The following CERS3 variants were observed in gnomAD, a reference collection of about 807,000 sequenced individuals.
CERS3 encodes ceramide synthase 3.
CERS3 carries 33 observed loss-of-function variants against 50.3 expected under a neutral mutation model. The observed-to-expected ratio is 0.66, with a 90% confidence interval of 0.50 to 0.88. The LOEUF is 0.88. Ranked by LOEUF, CERS3 falls within the 40% of genes least tolerant of loss-of-function variation. The pLI, the probability that CERS3 is intolerant of heterozygous loss-of-function variation, is 0.00. For missense variants in CERS3, 470 were observed against 460.3 expected, an observed-to-expected ratio of 1.02 and a Z score of -0.19; for synonymous variants, 176 against 155.2, an observed-to-expected ratio of 1.13 and a Z score of -0.99.
chr15:100,454,761 T>C (rs1184021250), intron 11 of CERS3, among the ~76,000 whole-genome samples: 1 of 150,628 alleles, frequency 6.6e-6, no homozygotes, highest in African/African-American at 2.4e-5. Context: ...AAGGAAACAA[T>C]CAACATAGTG....
intron 3 of CERS3, chr15:100,500,205 C>T (rs2035955948): frequency 6.6e-6 from 1 of 152,300 alleles, no homozygotes; most frequent in Non-Finnish European, 1.5e-5. Context: ...AGTGAAGCAA[C>T]ACATAGTTTT....
At chr15:100,453,833 G>A (rs2034262144) in intron 11 of CERS3, among the ~76,000 whole-genome samples, 1 of 152,082 alleles carries the variant, frequency 6.6e-6, no homozygotes, top group Non-Finnish European at 1.5e-5. Flanking sequence ...AAAAAATAGT[G>A]TCTATATATG....
At chr15:100,543,687 G>A (rs889980867) in intron 1 of CERS3, among the ~76,000 whole-genome samples, 1 of 151,996 alleles carries the variant, frequency 6.6e-6, no homozygotes, top group Non-Finnish European at 1.5e-5. Context: ...CCACCACCAC[G>A]CTCGGCTTAT....
chr15:100,524,904 C>T (rs1263286008), intron 1 of CERS3, among the ~76,000 whole-genome samples: 2 of 152,058 alleles, frequency 1.3e-5, no homozygotes, highest in East Asian at 1.9e-4. Flanking sequence ...ACAAATAGAC[C>T]TTATCCCAGC....
At chr15:100,510,913 T>C (rs1243608949) in intron 2 of CERS3, among the ~76,000 whole-genome samples, 1 of 152,120 alleles carries the variant, frequency 6.6e-6, no homozygotes, top group Non-Finnish European at 1.5e-5. Context: ...GAGAAAATAA[T>C]GGAAAAGATA....
At chr15:100,413,596 AAAT>A (rs1271252120) in intron 11 of CERS3, among the ~76,000 whole-genome samples, 1 of 152,072 alleles carries the variant, frequency 6.6e-6, no homozygotes, top group African/African-American at 2.4e-5. Flanking sequence ...ATGCAAATTC[AAAT>A]AATAAGATAA....
At chr15:100,403,335 TC>T (rs1301268481) in intron 11 of CERS3, among the ~76,000 whole-genome samples, 4 of 152,004 alleles carry the variant, frequency 2.6e-5, no homozygotes, top group African/African-American at 9.7e-5. Flanking sequence ...AATTTCAGCT[TC>T]AACTTTAAGA....
chr15:100,461,450 C>G (rs1192030381), intron 10 of CERS3, among the ~76,000 whole-genome samples: 4 of 152,168 alleles, frequency 2.6e-5, no homozygotes, highest in African/African-American at 9.7e-5. Flanking sequence ...CTCCCAGGAT[C>G]TTAGCAAGTT....
chr15:100,471,495 A>G lies in CERS3; in HGVS notation c.738+1429T>C, dbSNP rs556241230. ...AATAACACAATGAGGCTGTTTTTACATTGGACACACACCAAAGGCAATTGA... is the reference window on the plus strand; with the variant it reads ...AATAACACAATGAGGCTGTTTTTACGTTGGACACACACCAAAGGCAATTGA... On this transcript the variant is annotated intron_variant, in intron 9 of 11. Transcript: ENST00000679737. 7.2e-5 allele frequency among the ~76,000 whole-genome samples: 11 copies of G among 152,316 alleles called. No homozygotes were observed. The South Asian group carries it at 2.1e-3, about 29-fold the overall frequency.
At chr15:100,522,619 T>C (rs113024917) in intron 1 of CERS3, among the ~76,000 whole-genome samples, 3,079 of 152,322 alleles carry the variant, frequency 0.02, 111 homozygotes, top group African/African-American at 0.07. Flanking sequence ...TGCATCTATG[T>C]TGTTGCATGT....
At chr15:100,431,306 A>C (rs539890245) in intron 11 of CERS3, among the ~76,000 whole-genome samples, 1 of 152,302 alleles carries the variant, frequency 6.6e-6, no homozygotes, top group African/African-American at 2.4e-5. Context: ...GTCTCACTTT[A>C]TATAATAAAT....
Position 100,447,588 on chromosome 15 carries a change from A to G in CERS3, c.999+8305T>C, listed in dbSNP as rs940029616. Among the ~76,000 whole-genome samples, 4 of 152,192 alleles carry G rather than the reference A, an allele frequency of 2.6e-5. No individual in the cohort carries two copies. In the South Asian group the frequency reaches 6.2e-4, roughly 24 times the overall value. On this transcript the variant is annotated intron_variant, in intron 11 of 11. Transcript: ENST00000679737. ...ACAGAGTTTGACTCTTTTCATCAAC[A>G]CTTAGTGGTAGGTTATGATTTTAAG...
Position 100,445,179 on chromosome 15 carries a change from G to A in CERS3, c.999+10714C>T, listed in dbSNP as rs2033882078. ...CTGTATAGACGCTCCTTTTTATTAG[G>A]CCCCAGTCTCATTCCAGACACCAGA... On this transcript the variant is annotated intron_variant, in intron 11 of 11. Coordinates refer to ENST00000679737, the MANE Select transcript of CERS3 (RefSeq NM_001378789.1). Among the ~76,000 whole-genome samples, 10 of 149,234 alleles carry A rather than the reference G, an allele frequency of 6.7e-5. No homozygotes were observed. In the South Asian group the frequency reaches 2.2e-3, roughly 33 times the overall value.
chr15:100,502,739 T>G (rs2036049909), intron 2 of CERS3, among the ~76,000 whole-genome samples: 1 of 152,204 alleles, frequency 6.6e-6, no homozygotes, highest in East Asian at 1.9e-4. Flanking sequence ...CTTCCTGCCT[T>G]GAGGACATAA....
intron 2 of CERS3, among the ~76,000 whole-genome samples, chr15:100,502,267 A>AAAAAG (rs2036033219): frequency 1.0e-4 from 11 of 109,294 alleles, no homozygotes; most frequent in South Asian, 6.3e-4. Flanking sequence ...AAAAAAAAAA[A>AAAAAG]AAAGAAAGAA....
rs550610428 is a variant in CERS3, at chr15:100,469,155, G to A, written c.845+223C>T. On this transcript the variant is annotated intron_variant, in intron 10 of 11. Transcript: ENST00000679737. ...GTAAGAGCTGCTGCTTGCCCGTCAG[G>A]TCACACATTTTCCATCTCCCGTTGT... Among the ~76,000 whole-genome samples the A allele has an allele frequency of 2.6e-5, 4 of 152,320 alleles. No individual in the cohort carries two copies. In the South Asian group the frequency reaches 8.3e-4, roughly 32 times the overall value.
At chr15:100,407,725 A>T (rs2031160646) in intron 11 of CERS3, among the ~76,000 whole-genome samples, 1 of 152,340 alleles carries the variant, frequency 6.6e-6, no homozygotes, top group African/African-American at 2.4e-5. Flanking sequence ...GTCATTCCCT[A>T]AAAAATGTAG....
At chr15:100,414,727 T>C (rs1295611906) in intron 11 of CERS3, among the ~76,000 whole-genome samples, 1 of 151,440 alleles carries the variant, frequency 6.6e-6, no homozygotes, top group Non-Finnish European at 1.5e-5. Context: ...GCCAGCCATA[T>C]GCAAACTACT....
chr15:100,412,487 G>A (rs2031568640), intron 11 of CERS3, among the ~76,000 whole-genome samples: 1 of 152,166 alleles, frequency 6.6e-6, no homozygotes, highest in African/African-American at 2.4e-5. Flanking sequence ...CAGGAAGTTT[G>A]AGTACTTCAG....
Sources: gnomAD v4.1 joint callset for allele counts (sites outside exome capture counted in the v4.1 genomes callset) on GRCh38, gnomAD v4.1.1 for gene constraint, MANE v1.5 for transcripts, NCBI Gene and HGNC (gene_info 2026-07-23, HGNC 2026-07-21) for gene names.